TMEM135: variants seen among roughly 807,000 people sequenced by gnomAD.
TMEM135 encodes peroxisomal membrane protein 52.
In TMEM135, 30 loss-of-function variants were observed where a neutral mutation model predicts 60.3. The ratio of observed to expected loss-of-function variants is 0.50; its 90% CI spans 0.37 to 0.68. TMEM135 has a LOEUF of 0.68. Ranked by LOEUF, TMEM135 falls within the 30% of genes least tolerant of loss-of-function variation. The pLI is 0.00. For missense variants in TMEM135, 468 were observed against 548.8 expected (o/e 0.85, Z 1.47); for synonymous variants, 190 against 186.7 (o/e 1.02, Z -0.14).
At chr11:87,058,093 G>A (rs1046555028) in intron 1 of TMEM135, among the ~76,000 whole-genome samples, 2 of 152,050 alleles carry the variant, frequency 1.3e-5, no homozygotes, top group African/African-American at 2.4e-5. Flanking sequence ...TTGTTGTTTT[G>A]TTCTCTTCAG....
intron 4 of TMEM135, among the ~76,000 whole-genome samples, chr11:87,114,384 G>A (rs963363353): frequency 6.6e-6 from 1 of 152,134 alleles, no homozygotes; most frequent in African/African-American, 2.4e-5. Context: ...GAAAAACTCA[G>A]TGATGTACTA....
At chr11:87,206,561 A>G (rs992949689) in intron 5 of TMEM135, among the ~76,000 whole-genome samples, 35 of 152,174 alleles carry the variant, frequency 2.3e-4, no homozygotes, top group African/African-American at 7.7e-4. Flanking sequence ...TGAAGTATCC[A>G]TGATATAACC....
intron 4 of TMEM135, chr11:87,095,622 T>G (rs932439487): frequency 4.9e-6 from 1 of 205,830 alleles, no homozygotes; most frequent in African/African-American, 2.3e-5. Flanking sequence ...GTTTCCCAGT[T>G]TTCAACTTTG....
chr11:87,056,297 G>A (rs1036800491), intron 1 of TMEM135, among the ~76,000 whole-genome samples: 4 of 152,176 alleles, frequency 2.6e-5, no homozygotes, highest in African/African-American at 9.7e-5. Flanking sequence ...GCAGGTCTCA[G>A]CCTCATTTTC....
chr11:87,074,188 A>G (rs893393897), intron 3 of TMEM135, among the ~76,000 whole-genome samples: 1 of 152,000 alleles, frequency 6.6e-6, no homozygotes, highest in African/African-American at 2.4e-5. Context: ...CTGGTCTCGA[A>G]CTCCCAACCT....
intron 5 of TMEM135, among the ~76,000 whole-genome samples, chr11:87,212,001 G>C (rs983922349): frequency 2.0e-5 from 3 of 151,806 alleles, no homozygotes; most frequent in Non-Finnish European, 4.4e-5. Flanking sequence ...CAAGATCTTG[G>C]GCATTTTTAT....
intron 6 of TMEM135, among the ~76,000 whole-genome samples, chr11:87,263,000 A>G (rs1565146913): frequency 7.2e-6 from 1 of 139,408 alleles, no homozygotes; most frequent in African/African-American, 2.8e-5. Context: ...CTCAGTTTTC[A>G]TGGAAAAAAA....
At chr11:87,060,342 T>C (rs564110094) in intron 1 of TMEM135, among the ~76,000 whole-genome samples, 56 of 152,206 alleles carry the variant, frequency 3.7e-4, no homozygotes, top group Non-Finnish European at 6.0e-4. Context: ...ATTTAGTCTT[T>C]CTGCAGGTTA....
intron 5 of TMEM135, among the ~76,000 whole-genome samples, chr11:87,162,198 AT>A (rs894577465): frequency 5.7e-4 from 65 of 115,042 alleles, no homozygotes; most frequent in African/African-American, 1.4e-3. Flanking sequence ...TATATCTTTT[AT>A]TTTTTTTTGG....
At chr11:87,102,732 A>ATATG (rs1857491645) in intron 4 of TMEM135, among the ~76,000 whole-genome samples, 1 of 145,394 alleles carries the variant, frequency 6.9e-6, no homozygotes, top group African/African-American at 2.6e-5. Context: ...ATATATGTAT[A>ATATG]TATATATGTA....
At chr11:87,091,112 A>G (rs1041650799) in intron 3 of TMEM135, among the ~76,000 whole-genome samples, 4 of 152,072 alleles carry the variant, frequency 2.6e-5, no homozygotes, top group South Asian at 2.1e-4. Flanking sequence ...TAGTAATTTT[A>G]AATATTTACT....
At chr11:87,083,044 C>A (rs1456832405) in intron 3 of TMEM135, among the ~76,000 whole-genome samples, 1 of 152,108 alleles carries the variant, frequency 6.6e-6, no homozygotes, top group Admixed American at 6.5e-5. Context: ...GTTTAAGTTT[C>A]TTTCTTCCTC....
intron 5 of TMEM135, among the ~76,000 whole-genome samples, chr11:87,194,788 T>C (rs1174422184): frequency 2.0e-5 from 3 of 152,170 alleles, no homozygotes; most frequent in African/African-American, 7.2e-5. Context: ...TCCAGTGTAC[T>C]TAGAGCTCTC....
At chr11:87,154,601 C>T (rs1357280494) in intron 4 of TMEM135, among the ~76,000 whole-genome samples, 1 of 152,132 alleles carries the variant, frequency 6.6e-6, no homozygotes, top group Admixed American at 6.5e-5. Context: ...CAGCAGTGTA[C>T]AAGGGTTCCA....
intron 5 of TMEM135, among the ~76,000 whole-genome samples, chr11:87,203,592 T>C (rs1481739747): frequency 1.3e-5 from 2 of 152,210 alleles, no homozygotes; most frequent in Non-Finnish European, 2.9e-5. Context: ...GATGTACCAG[T>C]TTATTTACTC....
At chr11:87,263,722 A>G (rs944097801) in intron 6 of TMEM135, among the ~76,000 whole-genome samples, 2 of 152,100 alleles carry the variant, frequency 1.3e-5, no homozygotes, top group Admixed American at 1.3e-4. Flanking sequence ...TGTAATAAGC[A>G]TTGTCTATTT....
chr11:87,177,523 G>A (rs567166106), intron 5 of TMEM135, among the ~76,000 whole-genome samples: 1 of 152,238 alleles, frequency 6.6e-6, no homozygotes, highest in East Asian at 1.9e-4. Context: ...CACTGAAAGT[G>A]TGTAATTCAG....
rs1045006148 is a variant in TMEM135, at chr11:87,251,075, T to A, written c.509+14391T>A. 3.9e-5 allele frequency among the ~76,000 whole-genome samples: 6 copies of A among 152,170 alleles called. 1 individual carries two copies. Among genetic ancestry groups the A allele is most frequent in the Admixed American group, 3.9e-4 (6 of 15,262 alleles). ...TAAAATAGGAAAAATGTGTGAAAATTGAATACAAGCTTTGCAAATACTGAG... is the reference window on the plus strand; with the variant it reads ...TAAAATAGGAAAAATGTGTGAAAATAGAATACAAGCTTTGCAAATACTGAG... On this transcript the variant is annotated intron_variant, in intron 6 of 14. Transcript: ENST00000305494.
At position 87,037,999 on chromosome 11, in the gene TMEM135, A is replaced by G. The variant is rs758828891; in HGVS notation, c.-47A>G. On this transcript the variant is annotated 5_prime_UTR_variant, in exon 1 of 15. Coordinates refer to ENST00000305494, the MANE Select transcript of TMEM135 (RefSeq NM_022918.4). ...GCTGGGCTCTCGCGCCCCTCCCTGCAGGGCTCAGGCTCTCCCCCTCCTGTC... is the reference window on the plus strand; with the variant it reads ...GCTGGGCTCTCGCGCCCCTCCCTGCGGGGCTCAGGCTCTCCCCCTCCTGTC... 2.2e-5 allele frequency: 36 copies of G among 1,610,946 alleles called. No homozygotes were observed. In the Middle Eastern group the frequency reaches 6.6e-4, roughly 29 times the overall value.
Sources: gnomAD v4.1 joint callset for allele counts (sites outside exome capture counted in the v4.1 genomes callset) on GRCh38, gnomAD v4.1.1 for gene constraint, MANE v1.5 for transcripts, NCBI Gene and HGNC (gene_info 2026-07-23, HGNC 2026-07-21) for gene names.